Variants in C16orf74 observed in about 807,000 individuals in gnomAD.
C16orf74 encodes calcimembrin.
C16orf74 carries 10 observed loss-of-function variants against 6.5 expected under a neutral mutation model. The observed-to-expected ratio is 1.54, with a 90% confidence interval of 0.95 to 2.61. The LOEUF is 2.61. C16orf74 is among the 30% of genes most tolerant of loss of function. The pLI is 0.00. For missense variants in C16orf74, 141 were observed against 105.9 expected (o/e 1.33, Z -1.45); for synonymous variants, 60 against 42.5 (o/e 1.41, Z -1.60).
intron 2 of C16orf74, among the ~76,000 whole-genome samples, chr16:85,718,914 G>C (rs1460131110): frequency 6.6e-6 from 1 of 152,228 alleles, no homozygotes; most frequent in South Asian, 2.1e-4. Context: ...CGGGGGACTT[G>C]TCGCCCCCTT....
At chr16:85,722,354 G>A (rs1340607684) in intron 2 of C16orf74, among the ~76,000 whole-genome samples, 1 of 152,202 alleles carries the variant, frequency 6.6e-6, no homozygotes, top group Non-Finnish European at 1.5e-5. Context: ...GGTGGTGAAC[G>A]TTGCTACTTG....
At chr16:85,746,117 C>T (rs370073598) in intron 1 of C16orf74, among the ~76,000 whole-genome samples, 3 of 152,058 alleles carry the variant, frequency 2.0e-5, no homozygotes, top group East Asian at 1.9e-4. Context: ...GAGGATGAGG[C>T]GGCAGGCAGA....
At position 85,750,672 on chromosome 16, in the gene C16orf74, A is replaced by T. The variant is rs1037453509; in HGVS notation, c.-19+254T>A. 1.1e-4 allele frequency among the ~76,000 whole-genome samples: 16 copies of T among 151,940 alleles called. No homozygotes were observed. The East Asian group carries it at 3.1e-3, about 30-fold the overall frequency. On this transcript the variant is annotated intron_variant, in intron 1 of 3. Transcript: ENST00000284245. ...GCCAGAGGCTTCCGCGCGGGGTCACACCCCCACCGCCGTGCAAGTTGCAGC... is the reference window on the plus strand; with the variant it reads ...GCCAGAGGCTTCCGCGCGGGGTCACTCCCCCACCGCCGTGCAAGTTGCAGC...
chr16:85,743,563 A>T (rs2054334169), intron 1 of C16orf74: 1 of 152,112 alleles, frequency 6.6e-6, no homozygotes, highest in African/African-American at 2.4e-5. Flanking sequence ...GTTCTATTCC[A>T]CACGCCAGAA....
At chr16:85,717,118 C>A (rs565708649) in intron 2 of C16orf74, among the ~76,000 whole-genome samples, 2 of 152,326 alleles carry the variant, frequency 1.3e-5, no homozygotes, top group East Asian at 3.9e-4. Flanking sequence ...GCACTGTCCT[C>A]GCAGTGGGGG....
intron 2 of C16orf74, chr16:85,710,740 C>A (rs189846505): frequency 5.6e-5 from 9 of 159,776 alleles, no homozygotes; most frequent in Admixed American, 1.9e-4. Context: ...CTGCTCCCCC[C>A]GCCTGGGATG....
At position 85,707,680 on chromosome 16, in the gene C16orf74, G is replaced by C; in HGVS notation, c.*328C>G. 2.8e-6 allele frequency: 1 copy of C among 351,604 alleles called. No individual in the cohort carries two copies. Among genetic ancestry groups the C allele is most frequent in the Non-Finnish European group, 5.2e-6 (1 of 193,482 alleles). The allele number at this position is 351,604 out of a possible 1,614,324, so 21.8% of individuals were successfully genotyped here. ...GGCATGTGTTTGCACAGCCCTGGGG[G>C]CTGGGAGGGTGTGTTTGTCCAGAAG... On this transcript the variant is annotated 3_prime_UTR_variant, in exon 4 of 4. Transcript: ENST00000284245.
rs1235902890 is a variant in C16orf74, at chr16:85,710,267, G to A, written c.69C>T (p.Asp23=). 9 of 1,516,330 alleles carry A rather than the reference G, an allele frequency of 5.9e-6. No homozygotes were observed. Among genetic ancestry groups the A allele is most frequent in the Non-Finnish European group, 7.0e-6 (8 of 1,142,902 alleles). The allele number at this position is 1,516,330 out of a possible 1,614,324, so 93.9% of individuals were successfully genotyped here. Reference sequence around the variant, plus strand: ...GCTTGTCGTTCAGGACGGGGGCCTCGTCGTGGCTGCTGCTGCTGCTGCTGA... The same window carrying A: ...GCTTGTCGTTCAGGACGGGGGCCTCATCGTGGCTGCTGCTGCTGCTGCTGA... ...MCVSSSSSSH[D]EAPVLNDKHL... The change falls in exon 3 of 4, where the codon GAC becomes GAT. Residue 23 remains aspartate (D), a synonymous_variant. Coordinates refer to ENST00000284245, the MANE Select transcript of C16orf74 (RefSeq NM_206967.3).
At chr16:85,717,236 C>T (rs1241748506) in intron 2 of C16orf74, among the ~76,000 whole-genome samples, 12 of 152,320 alleles carry the variant, frequency 7.9e-5, no homozygotes, top group South Asian at 4.1e-4. Flanking sequence ...CTTTGAGACC[C>T]GGCTCTGGGC....
At chr16:85,718,560 G>A (rs541695742) in intron 2 of C16orf74, among the ~76,000 whole-genome samples, 1 of 152,294 alleles carries the variant, frequency 6.6e-6, no homozygotes, top group East Asian at 1.9e-4. Context: ...CCCCTCTTTG[G>A]GCCTCTGCTT....
intron 2 of C16orf74, among the ~76,000 whole-genome samples, chr16:85,713,864 G>GT (rs2053993589): frequency 1.3e-5 from 2 of 152,342 alleles, no homozygotes; most frequent in South Asian, 4.1e-4. Context: ...GGAGAGGACA[G>GT]TGGGAGACTG....
intron 2 of C16orf74, among the ~76,000 whole-genome samples, chr16:85,728,882 G>C (rs921255038): frequency 2.6e-5 from 4 of 152,220 alleles, no homozygotes; most frequent in African/African-American, 9.6e-5. Flanking sequence ...CACTTTGCCA[G>C]TGGTCCTCAA....
At chr16:85,716,689 G>T (rs1037723116) in intron 2 of C16orf74, among the ~76,000 whole-genome samples, 1 of 149,468 alleles carries the variant, frequency 6.7e-6, no homozygotes, top group Non-Finnish European at 1.5e-5. Context: ...GGAGGAAGGC[G>T]AGAGGGAGGA....
chr16:85,738,399 A>G (rs2054268094), intron 1 of C16orf74, among the ~76,000 whole-genome samples: 1 of 147,130 alleles, frequency 6.8e-6, no homozygotes, highest in South Asian at 2.2e-4. Context: ...ACCTTGGCTC[A>G]CCACAACCTC....
intron 1 of C16orf74, among the ~76,000 whole-genome samples, chr16:85,750,185 T>G (rs950719669): frequency 6.6e-6 from 1 of 152,050 alleles, no homozygotes; most frequent in Non-Finnish European, 1.5e-5. Flanking sequence ...CAGCCTTCCC[T>G]TCCTCCCTCT....
At position 85,707,843 on chromosome 16, in the gene C16orf74, G is replaced by A; in HGVS notation, c.*165C>T. 1 of 624,154 alleles carries A rather than the reference G, an allele frequency of 1.6e-6. No homozygotes were observed. The highest frequency in any genetic ancestry group is 1.9e-5 in the South Asian group (1 of 52,632). The allele number at this position is 624,154 out of a possible 1,614,324, so 38.7% of individuals were successfully genotyped here. A position where few individuals can be genotyped will look rare whatever the true frequency, so the allele number is the denominator to read the frequency against. On this transcript the variant is annotated 3_prime_UTR_variant, in exon 4 of 4. Transcript: ENST00000284245. ...GAAACACTGTTCTGGAAGTGGACAGGCTGGATTCCTCGCTGGTCCTGCCAC... is the reference window on the plus strand; with the variant it reads ...GAAACACTGTTCTGGAAGTGGACAGACTGGATTCCTCGCTGGTCCTGCCAC...
At chr16:85,737,158 G>A (rs2054253985) in intron 1 of C16orf74, among the ~76,000 whole-genome samples, 2 of 152,186 alleles carry the variant, frequency 1.3e-5, no homozygotes, top group South Asian at 4.1e-4. Flanking sequence ...TCCGAACAAT[G>A]TCAGCTGCTG....
chr16:85,729,023 C>T (rs1049244225), intron 2 of C16orf74, among the ~76,000 whole-genome samples: 2 of 152,170 alleles, frequency 1.3e-5, no homozygotes, highest in African/African-American at 2.4e-5. Flanking sequence ...CAGAAGGTCC[C>T]GGACCCCACT....
intron 1 of C16orf74, among the ~76,000 whole-genome samples, chr16:85,746,935 C>T (rs1160888062): frequency 1.3e-5 from 2 of 152,230 alleles, no homozygotes; most frequent in Non-Finnish European, 2.9e-5. Flanking sequence ...CATGTGCTTC[C>T]ATCCTGGTCT....
Sources: allele counts gnomAD v4.1 joint callset (sites outside exome capture counted in the v4.1 genomes callset), GRCh38; gene constraint gnomAD v4.1.1; transcripts MANE v1.5; gene names NCBI Gene and HGNC (gene_info 2026-07-23, HGNC 2026-07-21).